CATSPERT: variants seen among roughly 807,000 people sequenced by gnomAD.
The protein encoded by CATSPERT is cation channel sperm-associated targeting subunit tau.
chr2:201,546,255 A>T, the CATSPERT span, among the ~76,000 whole-genome samples: 1 of 152,200 alleles, frequency 6.6e-6, no homozygotes, highest in Admixed American at 6.5e-5. Flanking sequence ...TCAATATGTT[A>T]TAACTAACAT....
chr2:201,543,350 A>C, the CATSPERT span, among the ~76,000 whole-genome samples: 4 of 152,188 alleles, frequency 2.6e-5, no homozygotes, highest in African/African-American at 9.6e-5. Context: ...GTGGTTCCAC[A>C]TAAATTTTAG....
the CATSPERT span, among the ~76,000 whole-genome samples, chr2:201,531,548 A>G: frequency 6.6e-6 from 1 of 152,190 alleles, no homozygotes; most frequent in African/African-American, 2.4e-5. Flanking sequence ...CTAGGGATGG[A>G]GGAGGGTGGA....
chr2:201,541,534 TATATATATATATATA>T, the CATSPERT span, among the ~76,000 whole-genome samples: 1 of 15,948 alleles, frequency 6.3e-5, no homozygotes, highest in African/African-American at 1.6e-4. Flanking sequence ...GATGATTTTA[TATATATATATATATA>T]TATATATATA....
chr2:201,576,613 A>G, the CATSPERT span, among the ~76,000 whole-genome samples: 1 of 152,204 alleles, frequency 6.6e-6, no homozygotes, highest in Non-Finnish European at 1.5e-5. Context: ...TAAGTGTACT[A>G]TTATGTATGT....
At chr2:201,582,251 A>C in the CATSPERT span, 3 of 1,562,330 alleles carry the variant, frequency 1.9e-6, no homozygotes, top group Non-Finnish European at 1.7e-6. Flanking sequence ...AAGAAGCATT[A>C]AATTTGAGCC....
chr2:201,574,837 C>T, the CATSPERT span, among the ~76,000 whole-genome samples: 1 of 151,936 alleles, frequency 6.6e-6, no homozygotes, highest in African/African-American at 2.4e-5. Context: ...ATCAATTAAT[C>T]CAACTACTAA....
At chr2:201,562,992 G>A in the CATSPERT span, among the ~76,000 whole-genome samples, 3 of 150,366 alleles carry the variant, frequency 2.0e-5, no homozygotes, top group South Asian at 4.2e-4. Flanking sequence ...CCACAAAGCC[G>A]CCATTGTCAT....
chr2:201,572,737 G>C, the CATSPERT span, among the ~76,000 whole-genome samples: 3 of 151,374 alleles, frequency 2.0e-5, no homozygotes, highest in Non-Finnish European at 4.4e-5. Flanking sequence ...AAAAATAACA[G>C]AAGAAAAAGT....
chr2:201,519,389 C>T, the CATSPERT span, among the ~76,000 whole-genome samples: 17 of 152,212 alleles, frequency 1.1e-4, 1 homozygote, highest in Admixed American at 2.6e-4. Context: ...CCTACAAAAC[C>T]TTCCCCAAAA....
the CATSPERT span, among the ~76,000 whole-genome samples, chr2:201,488,568 A>C: frequency 6.6e-6 from 1 of 152,220 alleles, no homozygotes; most frequent in African/African-American, 2.4e-5. Flanking sequence ...ATTTTCTATT[A>C]TATAGCTATA....
At chr2:201,551,304 CAT>C in the CATSPERT span, among the ~76,000 whole-genome samples, 3 of 151,928 alleles carry the variant, frequency 2.0e-5, no homozygotes, top group African/African-American at 7.3e-5. Flanking sequence ...AATGTATGCA[CAT>C]AGACATTTAT....
At chr2:201,596,041 A>C in the CATSPERT span, among the ~76,000 whole-genome samples, 36 of 152,350 alleles carry the variant, frequency 2.4e-4, no homozygotes, top group African/African-American at 8.4e-4. Flanking sequence ...CCTAAAAACA[A>C]AAATACCATT....
chr2:201,609,050 T>C, the CATSPERT span, among the ~76,000 whole-genome samples: 2 of 152,008 alleles, frequency 1.3e-5, no homozygotes, highest in African/African-American at 2.4e-5. Context: ...TCAGATAAAA[T>C]AGACTTAAAG....
chr2:201,581,909 C>T, the CATSPERT span, among the ~76,000 whole-genome samples: 3 of 151,884 alleles, frequency 2.0e-5, no homozygotes, highest in African/African-American at 7.3e-5. Context: ...TTTTTAGAAA[C>T]ATTATGCTAT....
the CATSPERT span, chr2:201,603,319 A>G: frequency 1.3e-6 from 2 of 1,561,098 alleles, no homozygotes; most frequent in African/African-American, 2.7e-5. Flanking sequence ...ATGCATTTAA[A>G]AAGTTAACTG....
chr2:201,520,989 T>C, the CATSPERT span, among the ~76,000 whole-genome samples: 4,464 of 151,376 alleles, frequency 0.029, 122 homozygotes, highest in African/African-American at 0.073. Context: ...CCAATAAATT[T>C]GAAAACCTAG....
the CATSPERT span, among the ~76,000 whole-genome samples, chr2:201,590,961 T>C: frequency 6.6e-6 from 1 of 152,238 alleles, no homozygotes; most frequent in Admixed American, 6.5e-5. Context: ...TAGTTTCTTT[T>C]GCTGTGCAAG....
At chr2:201,505,951 A>T in the CATSPERT span, among the ~76,000 whole-genome samples, 3 of 152,180 alleles carry the variant, frequency 2.0e-5, no homozygotes, top group African/African-American at 7.2e-5. Context: ...AGGTTATTTT[A>T]AAAAACTAAT....
At chr2:201,597,208 A>G in the CATSPERT span, among the ~76,000 whole-genome samples, 5 of 152,070 alleles carry the variant, frequency 3.3e-5, no homozygotes, top group African/African-American at 1.2e-4. Context: ...ATCTCAACAG[A>G]ATTCTGGGAC....
Sources: gnomAD v4.1 joint callset for allele counts (sites outside exome capture counted in the v4.1 genomes callset) on GRCh38, gnomAD v4.1.1 for gene constraint, MANE v1.5 for transcripts, NCBI Gene and HGNC (gene_info 2026-07-23, HGNC 2026-07-21) for gene names.